The following CHRNA9 variants were observed in gnomAD, a reference collection of about 807,000 sequenced individuals.
The protein encoded by CHRNA9 is neuronal acetylcholine receptor subunit alpha-9.
In CHRNA9, 24 loss-of-function variants were observed where a neutral mutation model predicts 36.8. The observed-to-expected ratio is 0.65, with a 90% CI of 0.47 to 0.92. The LOEUF is 0.92. Ranked by LOEUF, CHRNA9 falls within the 40% of genes least tolerant of loss-of-function variation. The pLI is 0.00. For missense variants in CHRNA9, 610 were observed against 601.2 expected, an observed-to-expected ratio of 1.01 and a Z score of -0.15; for synonymous variants, 231 against 231.8, an observed-to-expected ratio of 1.00 and a Z score of 0.03.
intron 4 of CHRNA9, among the ~76,000 whole-genome samples, chr4:40,353,355 G>T (rs567473782): frequency 2.0e-5 from 3 of 152,152 alleles, no homozygotes; most frequent in Non-Finnish European, 2.9e-5. Flanking sequence ...GCCGGGCGTA[G>T]TGGTGGGCGC....
At chr4:40,340,924 A>C (rs1238564969) in intron 3 of CHRNA9, among the ~76,000 whole-genome samples, 1 of 150,832 alleles carries the variant, frequency 6.6e-6, no homozygotes, top group Non-Finnish European at 1.5e-5. Context: ...ACGTTCCAGA[A>C]GACAAAACCC....
intron 3 of CHRNA9, among the ~76,000 whole-genome samples, chr4:40,339,197 T>G (rs1712422674): frequency 7.0e-6 from 1 of 143,010 alleles, no homozygotes; most frequent in Non-Finnish European, 1.5e-5. Context: ...GAAACTCACT[T>G]AAACCCGGGA....
chr4:40,347,054 C>T (rs1428292079), intron 3 of CHRNA9, among the ~76,000 whole-genome samples: 1 of 152,146 alleles, frequency 6.6e-6, no homozygotes, highest in Non-Finnish European at 1.5e-5. Context: ...CTCAAGTGAT[C>T]TACCCACCTC....
Position 40,354,176 on chromosome 4 carries a change from G to C in CHRNA9, c.1096G>C (p.Glu366Gln), listed in dbSNP as rs755787195. ...CTGCCTCAGCCCGCACCACAGTAGA[G>C]AGCGGGACCACCTCACGAAAGTTTA... ...ESCLSPHHSR[E>Q]RDHLTKVYSK... The change falls in exon 5 of 5, where the codon GAG becomes CAG. Residue 366 changes from glutamate (E) to glutamine (Q), a missense_variant. Transcript: ENST00000310169. 1.9e-5 allele frequency: 30 copies of C among 1,614,084 alleles called. No individual in the cohort carries two copies. The highest frequency in any genetic ancestry group is 2.3e-5 in the Non-Finnish European group (27 of 1,180,040).
chr4:40,339,623 G>A (rs1326004781), intron 3 of CHRNA9, among the ~76,000 whole-genome samples: 20 of 138,832 alleles, frequency 1.4e-4, no homozygotes, highest in Non-Finnish European at 2.6e-4. Flanking sequence ...CCGAGATCGC[G>A]CTCCAGTCCA....
chr4:40,347,147 A>C (rs1712658395), intron 3 of CHRNA9, among the ~76,000 whole-genome samples: 1 of 152,104 alleles, frequency 6.6e-6, no homozygotes, highest in Admixed American at 6.6e-5. Flanking sequence ...TTTGAGGTAC[A>C]AGTCTTTTTT....
At chr4:40,339,306 G>GAAAA (rs1712429416) in intron 3 of CHRNA9, among the ~76,000 whole-genome samples, 4 of 134,714 alleles carry the variant, frequency 3.0e-5, no homozygotes, top group East Asian at 2.2e-4. Context: ...AAAAAAGAAA[G>GAAAA]AAAAAAGAAA....
chr4:40,349,242 C>G lies in CHRNA9; in HGVS notation c.726C>G (p.Val242=), dbSNP rs769790582. The G allele has an allele frequency of 1.9e-6, 3 of 1,614,186 alleles. No individual in the cohort carries two copies. The change falls in exon 4 of 5, where the codon GTC becomes GTG. Residue 242 remains valine (V), a synonymous_variant. Coordinates refer to ENST00000310169, the MANE Select transcript of CHRNA9 (RefSeq NM_017581.4). ...AGAGGAGGTCCTCGTTCTATATCGT[C>G]AACCTCCTCATCCCATGCGTCCTCA... The part of the protein sequence containing the change: ...LLKRRSSFYI[V]NLLIPCVLIS...
At chr4:40,346,138 C>T (rs899533441) in intron 3 of CHRNA9, among the ~76,000 whole-genome samples, 8 of 152,166 alleles carry the variant, frequency 5.3e-5, no homozygotes, top group African/African-American at 1.7e-4. Context: ...TTGGGTTTGG[C>T]CAATGTGGAG....
intron 3 of CHRNA9, among the ~76,000 whole-genome samples, chr4:40,341,026 G>A (rs1193081441): frequency 7.1e-6 from 1 of 141,082 alleles, no homozygotes; most frequent in Non-Finnish European, 1.5e-5. Context: ...GCAATGAATT[G>A]TCCCAAGAAA....
Position 40,346,053 on chromosome 4 carries a change from A to AC in CHRNA9, c.366-2829_366-2828insC, listed in dbSNP as rs1177058896. On this transcript the variant is annotated intron_variant, in intron 3 of 4. Coordinates refer to ENST00000310169, the MANE Select transcript of CHRNA9 (RefSeq NM_017581.4). ...ACAAACAACAACAACAACAACAACA[A>AC]AAACCCACAACCTACTCCAAAGCAG... 4.9e-4 allele frequency among the ~76,000 whole-genome samples: 73 copies of AC among 148,648 alleles called. 1 individual carries two copies. In the East Asian group the frequency reaches 7.2e-3, roughly 15 times the overall value.
chr4:40,354,018 C>G lies in CHRNA9; in HGVS notation c.938C>G (p.Ser313Cys). ...YIATMALITA[S>C]TALTIMVMNI... ...GCCACGATGGCCCTGATCACAGCCT[C>G]CACTGCGTTGACCATCATGGTGATG... The change falls in exon 5 of 5, where the codon TCC becomes TGC. Residue 313 changes from serine (S) to cysteine (C), a missense_variant. Physicochemically the swap from Ser to Cys is moderately radical, Grantham distance 112 (BLOSUM62 -1). Transcript: ENST00000310169. The G allele has an allele frequency of 6.2e-7, 1 of 1,613,528 alleles. No individual in the cohort carries two copies. The highest frequency in any genetic ancestry group is 8.5e-7 in the Non-Finnish European group (1 of 1,179,530).
chr4:40,342,451 G>GA (rs1012692749), intron 3 of CHRNA9, among the ~76,000 whole-genome samples: 66 of 152,156 alleles, frequency 4.3e-4, no homozygotes, highest in Middle Eastern at 3.4e-3. Context: ...GAATAAAGTT[G>GA]AAAAAACCTC....
chr4:40,336,950 T>C (rs377136496), intron 2 of CHRNA9, among the ~76,000 whole-genome samples: 2 of 152,176 alleles, frequency 1.3e-5, no homozygotes, highest in African/African-American at 2.4e-5. Context: ...TCAGGAAATA[T>C]AGGCAGTTGA....
chr4:40,335,398 T>C lies in CHRNA9; in HGVS notation c.-70T>C, dbSNP rs1476594919. ...GTGGGCTCCTTGTGCCCAGATCCTT[T>C]GTATTCATAGGGGGAAGTGGAAGAC... On this transcript the variant is annotated 5_prime_UTR_variant, in exon 1 of 5. Coordinates refer to ENST00000310169, the MANE Select transcript of CHRNA9 (RefSeq NM_017581.4). The C allele has an allele frequency of 3.4e-6, 4 of 1,184,460 alleles. No homozygotes were observed. Among genetic ancestry groups the C allele is most frequent in the Non-Finnish European group, 5.1e-6 (4 of 788,508 alleles). 73.4% of individuals were successfully genotyped at this position (1,184,460 alleles called of 1,614,324 possible).
In CHRNA9 at chr4:40,354,282, A is replaced by G; in HGVS notation, c.1202A>G (p.Lys401Arg). The change falls in exon 5 of 5, where the codon AAG becomes AGG. Residue 401 changes from lysine to arginine, a missense_variant. Physicochemically the swap from Lys to Arg is conservative, Grantham distance 26. Coordinates refer to ENST00000310169, the MANE Select transcript of CHRNA9 (RefSeq NM_017581.4). ...SRKKDMNKRL[K>R]NDLGCQGKNP... is the part of the protein sequence containing the mutation. ...AAGAAGGACATGAACAAACGCTTAA[A>G]GAACGACCTGGGCTGCCAGGGTAAG... 1 of 1,614,222 alleles carries G rather than the reference A, an allele frequency of 6.2e-7. No individual in the cohort carries two copies. The highest frequency in any genetic ancestry group is 8.5e-7 in the Non-Finnish European group (1 of 1,180,020).
intron 4 of CHRNA9, among the ~76,000 whole-genome samples, chr4:40,353,536 C>A (rs1284506912): frequency 6.6e-6 from 1 of 151,950 alleles, no homozygotes; most frequent in Non-Finnish European, 1.5e-5. Flanking sequence ...GGGTATAACA[C>A]CTCCTTAGAA....
intron 3 of CHRNA9, among the ~76,000 whole-genome samples, chr4:40,341,545 C>T (rs949173219): frequency 1.3e-5 from 2 of 152,158 alleles, no homozygotes; most frequent in Non-Finnish European, 2.9e-5. Flanking sequence ...TATAACTTCA[C>T]TTCAGCCTCC....
At chr4:40,338,848 CTCTG>C (rs1182164275) in intron 3 of CHRNA9, among the ~76,000 whole-genome samples, 1 of 118,364 alleles carries the variant, frequency 8.4e-6, no homozygotes, top group Admixed American at 8.0e-5. Context: ...CTGTCTCTGT[CTCTG>C]TCTCTCTCTC....
Sources: allele counts gnomAD v4.1 joint callset (sites outside exome capture counted in the v4.1 genomes callset), GRCh38; gene constraint gnomAD v4.1.1; transcripts MANE v1.5; gene names NCBI Gene and HGNC (gene_info 2026-07-23, HGNC 2026-07-21).